SNTG1: variants seen among roughly 807,000 people sequenced by gnomAD.
The protein encoded by SNTG1 is gamma-1-syntrophin.
In SNTG1, 39 loss-of-function variants were observed where a neutral mutation model predicts 74.7. The observed-to-expected ratio is 0.52, with a 90% CI of 0.40 to 0.68. The LOEUF (loss-of-function observed/expected upper bound fraction) is 0.68, where lower values mean the gene tolerates loss of function less well. Among genes scored for constraint, SNTG1 ranks in the 30% least tolerant of loss-of-function variants. The pLI is 0.00. For missense variants in SNTG1, 685 were observed against 609.5 expected, an observed-to-expected ratio of 1.12 and a Z score of -1.30; for synonymous variants, 254 against 217.1, an observed-to-expected ratio of 1.17 and a Z score of -1.49.
chr8:50,627,778 G>C (rs182852803), intron 13 of SNTG1, among the ~76,000 whole-genome samples: 140 of 152,300 alleles, frequency 9.2e-4, no homozygotes, highest in Non-Finnish European at 1.9e-3. Context: ...ATGGAGCAAG[G>C]CATGAGAGAA....
intron 15 of SNTG1, among the ~76,000 whole-genome samples, chr8:50,688,213 T>G (rs2095361408): frequency 6.6e-6 from 1 of 152,210 alleles, no homozygotes; most frequent in African/African-American, 2.4e-5. Flanking sequence ...GGTTGCCTGT[T>G]CACTCTGATG....
At chr8:50,720,192 T>C (rs561834899) in intron 17 of SNTG1, among the ~76,000 whole-genome samples, 3 of 152,324 alleles carry the variant, frequency 2.0e-5, no homozygotes, top group Non-Finnish European at 4.4e-5. Flanking sequence ...CTCACACCTT[T>C]GTATTCCCAT....
intron 2 of SNTG1, among the ~76,000 whole-genome samples, chr8:50,346,000 T>C (rs1215096859): frequency 1.3e-5 from 2 of 152,206 alleles, no homozygotes; most frequent in Non-Finnish European, 2.9e-5. Context: ...ATGTGAATAT[T>C]TGATCTTCTT....
chr8:50,554,917 G>GT lies in SNTG1; in HGVS notation c.810+1746dup, dbSNP rs149109652. 1.4e-4 allele frequency among the ~76,000 whole-genome samples: 22 copies of GT among 151,982 alleles called. 1 individual carries two copies. In the South Asian group the frequency reaches 3.9e-3, roughly 27 times the overall value. ...CAGAATGTTAAACTTTGAATCCAAA[G>GT]TTTTTTTTCCTTATCTAGATCCAAA... On this transcript the variant is annotated intron_variant, in intron 12 of 18. Transcript: ENST00000642720.
intron 2 of SNTG1, among the ~76,000 whole-genome samples, chr8:50,393,121 T>G (rs2092684484): frequency 6.6e-6 from 1 of 152,176 alleles, no homozygotes; most frequent in Non-Finnish European, 1.5e-5. Flanking sequence ...TTCATTAATA[T>G]TAATGAGGCT....
chr8:50,590,169 A>G (rs1484328836), intron 12 of SNTG1, among the ~76,000 whole-genome samples: 1 of 152,140 alleles, frequency 6.6e-6, no homozygotes, highest in African/African-American at 2.4e-5. Context: ...TTCTGCTGTA[A>G]GTGTATACCA....
chr8:50,595,020 A>ATG (rs57799690), intron 13 of SNTG1, among the ~76,000 whole-genome samples: 5,355 of 147,786 alleles, frequency 0.036, 90 homozygotes, highest in South Asian at 0.059. Flanking sequence ...TTTATTGAAG[A>ATG]TGTGTGTGTG....
At chr8:50,285,439 C>G (rs1250842295) in intron 2 of SNTG1, among the ~76,000 whole-genome samples, 2 of 152,026 alleles carry the variant, frequency 1.3e-5, no homozygotes, top group Non-Finnish European at 2.9e-5. Flanking sequence ...GAGTGAGACA[C>G]GGTCTTAAGA....
In SNTG1 at chr8:50,502,864, G is replaced by T; in HGVS notation, c.450G>T (p.Leu150Phe). ...KRAPAFLKLP[L>F]NEDCACAPSD... Reference sequence around the variant, plus strand: ...CACCTGCTTTCCTCAAACTCCCATTGAATGAAGATTGTGCATGTAAGCATT... The same window carrying T: ...CACCTGCTTTCCTCAAACTCCCATTTAATGAAGATTGTGCATGTAAGCATT... Residue 150 changes from leucine to phenylalanine, a missense_variant, in exon 9 of 19, where the codon TTG (leucine) becomes TTT (phenylalanine). Coordinates refer to ENST00000642720, the MANE Select transcript of SNTG1 (RefSeq NM_018967.5). 6.2e-7 allele frequency: 1 copy of T among 1,612,500 alleles called. No homozygotes were observed. Among genetic ancestry groups the T allele is most frequent in the East Asian group, 2.2e-5 (1 of 44,752 alleles).
At chr8:50,609,677 A>G (rs570233432) in intron 13 of SNTG1, among the ~76,000 whole-genome samples, 2 of 152,230 alleles carry the variant, frequency 1.3e-5, no homozygotes, top group Non-Finnish European at 2.9e-5. Context: ...TGATATGCTT[A>G]ACACTTTTCC....
intron 1 of SNTG1, among the ~76,000 whole-genome samples, chr8:49,924,435 T>C (rs1585519231): frequency 6.6e-6 from 1 of 152,160 alleles, no homozygotes; most frequent in Non-Finnish European, 1.5e-5. Flanking sequence ...AGTATTACTA[T>C]GCCACCTCAG....
intron 15 of SNTG1, among the ~76,000 whole-genome samples, chr8:50,694,800 C>G (rs539133674): frequency 1.3e-5 from 2 of 151,242 alleles, no homozygotes; most frequent in Non-Finnish European, 2.9e-5. Flanking sequence ...AAATGGGATA[C>G]GCCACATTAA....
intron 1 of SNTG1, among the ~76,000 whole-genome samples, chr8:50,008,069 G>C (rs983737885): frequency 6.6e-6 from 1 of 152,014 alleles, no homozygotes; most frequent in African/African-American, 2.4e-5. Flanking sequence ...TCAACACATG[G>C]TAATTACAAT....
intron 15 of SNTG1, among the ~76,000 whole-genome samples, chr8:50,686,440 T>G (rs528535186): frequency 6.6e-6 from 1 of 152,324 alleles, no homozygotes; most frequent in African/African-American, 2.4e-5. Flanking sequence ...GAGACAGTAT[T>G]TGAAGAATAT....
intron 1 of SNTG1, among the ~76,000 whole-genome samples, chr8:50,150,860 G>A (rs1027207513): frequency 6.6e-6 from 1 of 152,162 alleles, no homozygotes; most frequent in East Asian, 1.9e-4. Flanking sequence ...AGGGATGTTG[G>A]TCTAAAATTC....
At chr8:50,436,804 A>G (rs2093308341) in intron 4 of SNTG1, among the ~76,000 whole-genome samples, 2 of 152,170 alleles carry the variant, frequency 1.3e-5, no homozygotes, top group Non-Finnish European at 2.9e-5. Flanking sequence ...TTTATTTTAA[A>G]TTATTAATAG....
In SNTG1 at chr8:50,453,734, C is replaced by T. The variant is rs146755737; in HGVS notation, c.363+3005C>T. ...TTATTTTGATGGCACCAAATGCCAC[C>T]GCTCACATGCTGCTGCTCTTCTCCC... On this transcript the variant is annotated intron_variant, in intron 8 of 18. Transcript: ENST00000642720. Among the ~76,000 whole-genome samples the T allele has an allele frequency of 2.6e-3, 399 of 152,282 alleles. 2 individuals carry two copies. Among genetic ancestry groups the T allele is most frequent in the African/African-American group, 9.1e-3 (377 of 41,556 alleles).
At chr8:49,946,163 G>T (rs1036085017) in intron 1 of SNTG1, among the ~76,000 whole-genome samples, 4 of 151,992 alleles carry the variant, frequency 2.6e-5, no homozygotes, top group Non-Finnish European at 4.4e-5. Context: ...TTTCCTAAAG[G>T]TTTATCTTTT....
chr8:50,474,950 C>T (rs1011036774), intron 8 of SNTG1, among the ~76,000 whole-genome samples: 1 of 151,544 alleles, frequency 6.6e-6, no homozygotes, highest in Non-Finnish European at 1.5e-5. Flanking sequence ...AGCTGGAAAC[C>T]ATCATTCTGA....
Sources: allele counts gnomAD v4.1 joint callset (sites outside exome capture counted in the v4.1 genomes callset), GRCh38; gene constraint gnomAD v4.1.1; transcripts MANE v1.5; gene names NCBI Gene and HGNC (gene_info 2026-07-23, HGNC 2026-07-21).